SEMA3D: variants seen among roughly 807,000 people sequenced by gnomAD.
SEMA3D encodes semaphorin 3D.
In SEMA3D, 84 loss-of-function variants were observed where a neutral mutation model predicts 100.1. That is an observed-to-expected ratio of 0.84 (90% CI 0.70 to 1.01). SEMA3D has a LOEUF of 1.01. Ranked by LOEUF, SEMA3D falls within the 50% of genes least tolerant of loss-of-function variation. The pLI is 0.00. For synonymous variants in SEMA3D, 312 were observed against 320.7 expected (o/e 0.97, Z 0.29); for missense variants, 875 against 934.1 (o/e 0.94, Z 0.82).
intron 1 of SEMA3D, among the ~76,000 whole-genome samples, chr7:85,163,977 A>T (rs1790819542): frequency 6.6e-6 from 1 of 152,200 alleles, no homozygotes; most frequent in African/African-American, 2.4e-5. Context: ...AATAATAAGT[A>T]ATAATCACCA....
the SEMA3D span, among the ~76,000 whole-genome samples, chr7:85,219,851 T>C: frequency 6.6e-6 from 1 of 152,120 alleles, no homozygotes; most frequent in African/African-American, 2.4e-5. Context: ...TAAAAAGTTA[T>C]TGTGTGAAGT....
At chr7:85,147,092 CTTTTTTTTTTT>C (rs752922884) in intron 2 of SEMA3D, among the ~76,000 whole-genome samples, 18 of 48,154 alleles carry the variant, frequency 3.7e-4, no homozygotes, top group African/African-American at 1.4e-3. Flanking sequence ...TTTTTCTTTT[CTTTTTTTTTTT>C]TTTTTTTTTT....
chr7:85,238,009 T>G, the SEMA3D span, among the ~76,000 whole-genome samples: 1 of 152,246 alleles, frequency 6.6e-6, no homozygotes, highest in Non-Finnish European at 1.5e-5. Flanking sequence ...TTGAAATTCC[T>G]AATTGCATAC....
chr7:85,245,372 T>G, the SEMA3D span, among the ~76,000 whole-genome samples: 1 of 152,172 alleles, frequency 6.6e-6, no homozygotes, highest in Non-Finnish European at 1.5e-5. Context: ...GAATAAAGAC[T>G]GGTGGAAATT....
chr7:85,019,393 T>C (rs1790192820), intron 14 of SEMA3D, among the ~76,000 whole-genome samples: 2 of 151,706 alleles, frequency 1.3e-5, no homozygotes, highest in African/African-American at 2.4e-5. Flanking sequence ...TAGCAGGTCT[T>C]GTTCTTGTTA....
intron 16 of SEMA3D, among the ~76,000 whole-genome samples, chr7:85,013,642 T>C (rs1034466782): frequency 1.3e-5 from 2 of 151,782 alleles, no homozygotes; most frequent in African/African-American, 4.8e-5. Flanking sequence ...ATATCTATAG[T>C]GTTCCTTGAG....
chr7:85,161,450 T>C (rs1386704429), intron 1 of SEMA3D, among the ~76,000 whole-genome samples: 3 of 152,096 alleles, frequency 2.0e-5, no homozygotes, highest in Admixed American at 6.6e-5. Flanking sequence ...CATAAAATTG[T>C]TCCTCCCTCC....
chr7:85,142,985 A>C (rs1019014213), intron 2 of SEMA3D: 2 of 982,014 alleles, frequency 2.0e-6, no homozygotes, highest in African/African-American at 3.5e-5. Context: ...TACCTTAGAC[A>C]ACTTACTAAA....
chr7:85,187,816 G>A (rs567926895), upstream of SEMA3D, among the ~76,000 whole-genome samples: 19 of 152,338 alleles, frequency 1.2e-4, no homozygotes, highest in South Asian at 3.9e-3. Context: ...ATATGACAAT[G>A]AGAGTTCATG....
the SEMA3D span, among the ~76,000 whole-genome samples, chr7:85,244,708 C>CTTTTTTTTTTTTTTTTTT: frequency 8.2e-6 from 1 of 121,888 alleles, no homozygotes; most frequent in Admixed American, 8.8e-5. Flanking sequence ...ACTGCACAAT[C>CTTTTTTTTTTTTTTTTTT]TTTTTTTTTT....
intron 4 of SEMA3D, among the ~76,000 whole-genome samples, chr7:85,088,012 T>G (rs1788276376): frequency 6.6e-6 from 1 of 152,176 alleles, no homozygotes; most frequent in African/African-American, 2.4e-5. Flanking sequence ...AAATATAGTG[T>G]AAACTGTCTG....
At chr7:85,057,873 G>C (rs1042983056) in intron 8 of SEMA3D, among the ~76,000 whole-genome samples, 8 of 151,894 alleles carry the variant, frequency 5.3e-5, no homozygotes, top group African/African-American at 1.9e-4. Flanking sequence ...AGAGGTTGTA[G>C]AGAGCCGAGA....
At chr7:85,208,534 C>T in the SEMA3D span, among the ~76,000 whole-genome samples, 5 of 151,854 alleles carry the variant, frequency 3.3e-5, no homozygotes, top group African/African-American at 9.7e-5. Flanking sequence ...TTTGGTTTCA[C>T]GTTTGGTCAA....
At chr7:85,186,587 G>A (rs1238935173) in intron 1 of SEMA3D, 91 bp downstream of exon 1, 1 of 152,722 alleles carries the variant, frequency 6.5e-6, no homozygotes, top group Non-Finnish European at 1.5e-5. Flanking sequence ...CGGACCCACA[G>A]CCACCCCCAA....
chr7:85,154,534 T>TA (rs1790526744), intron 1 of SEMA3D, among the ~76,000 whole-genome samples: 1 of 152,120 alleles, frequency 6.6e-6, no homozygotes, highest in Admixed American at 6.6e-5. Context: ...ACCAGACATT[T>TA]ACTTATTAAC....
the SEMA3D span, among the ~76,000 whole-genome samples, chr7:85,200,849 T>G: frequency 6.6e-6 from 1 of 152,152 alleles, no homozygotes; most frequent in Admixed American, 6.5e-5. Flanking sequence ...CCTAGGGACT[T>G]GGGGCCCTGC....
chr7:85,204,987 C>T, the SEMA3D span, among the ~76,000 whole-genome samples: 17 of 151,964 alleles, frequency 1.1e-4, no homozygotes, highest in East Asian at 1.9e-4. Flanking sequence ...TTCTAATATA[C>T]GTGAGATGCT....
chr7:85,120,598 G>A (rs1428211729), intron 3 of SEMA3D, among the ~76,000 whole-genome samples: 1 of 151,040 alleles, frequency 6.6e-6, no homozygotes, highest in East Asian at 2.0e-4. Flanking sequence ...AACCCAGGAG[G>A]CGGAGGTTGC....
At chr7:85,214,009 C>G in the SEMA3D span, among the ~76,000 whole-genome samples, 1 of 152,108 alleles carries the variant, frequency 6.6e-6, no homozygotes, top group South Asian at 2.1e-4. Context: ...TGGCTACCAT[C>G]TGTGGTTATG....
Sources: gnomAD v4.1 joint callset for allele counts (sites outside exome capture counted in the v4.1 genomes callset) on GRCh38, gnomAD v4.1.1 for gene constraint, MANE v1.5 for transcripts, NCBI Gene and HGNC (gene_info 2026-07-23, HGNC 2026-07-21) for gene names.